GRSF1: variants seen among roughly 807,000 people sequenced by gnomAD.
GRSF1 encodes G-rich RNA sequence binding factor 1.
Under a neutral mutation model 51.1 loss-of-function variants are expected in GRSF1, and 50 were observed. The ratio of observed to expected loss-of-function variants is 0.98; its 90% CI spans 0.78 to 1.24. The LOEUF is 1.24. GRSF1 is among the 50% of genes most tolerant of loss of function. GRSF1 has a pLI of 0.00. For missense variants in GRSF1, 700 were observed against 639.7 expected (o/e 1.09, Z -1.02); for synonymous variants, 293 against 253.3 (o/e 1.16, Z -1.49).
intron 5 of GRSF1, among the ~76,000 whole-genome samples, chr4:70,829,431 G>A (rs1733872228): frequency 6.6e-6 from 1 of 151,860 alleles, no homozygotes; most frequent in Non-Finnish European, 1.5e-5. Context: ...TGAGGCAGGT[G>A]GATCACTTGA....
At position 70,819,579 on chromosome 4, in the gene GRSF1, G is replaced by A. The variant is rs182804077; in HGVS notation, c.*1308C>T. ...TTATTGACTACAGTACAGTGATTTC[G>A]CATCTTAGCTGGTAATCAAAGATGG... On this transcript the variant is annotated 3_prime_UTR_variant, in exon 10 of 10. Transcript: ENST00000254799. 5 of 152,494 alleles carry A rather than the reference G, an allele frequency of 3.3e-5. No homozygotes were observed. Among genetic ancestry groups the A allele is most frequent in the East Asian group, 1.9e-4 (1 of 5,184 alleles). 9.4% of individuals were successfully genotyped at this position (152,494 alleles called of 1,614,324 possible).
At position 70,839,497 on chromosome 4, in the gene GRSF1, C is replaced by G; in HGVS notation, c.331G>C (p.Ala111Pro). The change falls in exon 1 of 10, where the codon GCC becomes CCC. Residue 111 changes from alanine to proline, a missense_variant. Physicochemically the swap from Ala to Pro is conservative, Grantham distance 27. Coordinates refer to ENST00000254799, the MANE Select transcript of GRSF1 (RefSeq NM_002092.4). ...TGGCTGTAGCTGCGCGTCGGGACGG[C>G]GGCCGCCGCCGCCAGCGACTGCGGC... ...LLPQSLAAAA[A>P]VPTRSYSQES... The G allele has an allele frequency of 7.1e-7, 1 of 1,417,188 alleles. No homozygotes were observed. Among genetic ancestry groups the G allele is most frequent in the Non-Finnish European group, 9.1e-7 (1 of 1,093,330 alleles). The allele number at this position is 1,417,188 out of a possible 1,614,324, so 87.8% of individuals were successfully genotyped here.
intron 1 of GRSF1, chr4:70,839,124 G>A: frequency 7.7e-7 from 1 of 1,303,004 alleles, no homozygotes; most frequent in Non-Finnish European, 1.0e-6. Context: ...CAACCAGCCG[G>A]CGGAAAGCAA....
At chr4:70,836,089 A>G in intron 2 of GRSF1, 69 bp downstream of exon 2, 1 of 924,310 alleles carries the variant, frequency 1.1e-6, no homozygotes, top group Middle Eastern at 3.0e-4. Flanking sequence ...TACTTAAAAC[A>G]TACATACCTG....
intron 9 of GRSF1, among the ~76,000 whole-genome samples, chr4:70,823,449 T>A (rs1452146000): frequency 6.8e-6 from 1 of 146,342 alleles, no homozygotes; most frequent in South Asian, 2.2e-4. Context: ...TGAAAAAATA[T>A]CATAATTAAT....
intron 2 of GRSF1, among the ~76,000 whole-genome samples, chr4:70,834,438 C>T (rs974363727): frequency 6.6e-6 from 1 of 152,072 alleles, no homozygotes; most frequent in Non-Finnish European, 1.5e-5. Context: ...TTTCCACTGA[C>T]AGGCTTGACT....
At chr4:70,835,340 G>A (rs1438089588) in intron 2 of GRSF1, among the ~76,000 whole-genome samples, 1 of 150,220 alleles carries the variant, frequency 6.7e-6, no homozygotes, top group Non-Finnish European at 1.5e-5. Context: ...TGAGGCAGGA[G>A]AATGGTGTGA....
At chr4:70,829,188 GCA>G (rs779162093) in intron 5 of GRSF1, among the ~76,000 whole-genome samples, 13 of 152,252 alleles carry the variant, frequency 8.5e-5, no homozygotes, top group Middle Eastern at 3.4e-3. Flanking sequence ...ACCGCGCCCA[GCA>G]CAGTTTCCTT....
At chr4:70,823,481 CT>C (rs58887177) in intron 9 of GRSF1, among the ~76,000 whole-genome samples, 118,923 of 136,014 alleles carry the variant, frequency 0.87, 52,908 homozygotes, top group East Asian at 0.98. Flanking sequence ...GCAGAATTTT[CT>C]TTTTTTTTTT....
intron 1 of GRSF1, among the ~76,000 whole-genome samples, chr4:70,837,117 A>G (rs1209295350): frequency 1.3e-5 from 2 of 152,248 alleles, no homozygotes; most frequent in Non-Finnish European, 2.9e-5. Flanking sequence ...TGCCAGACCA[A>G]GTGATTAAGG....
In GRSF1 at chr4:70,836,281, G is replaced by C; in HGVS notation, c.391C>G (p.Pro131Ala). The C allele has an allele frequency of 6.3e-7, 1 of 1,596,102 alleles. No individual in the cohort carries two copies. The highest frequency in any genetic ancestry group is 8.5e-7 in the Non-Finnish European group (1 of 1,174,926). The stretch of plus-strand genomic sequence containing the variant: ...GGGGCCAATTCATACTCAGGGGGTG[G>C]TGGAAGGTCTTCCAGGTAAGTAGTT... ...SKTTYLEDLP[P>A]PPEYELAPSK... Residue 131 changes from proline (P) to alanine (A), a missense_variant, in exon 2 of 10, where the codon CCA (proline) becomes GCA (alanine). Coordinates refer to ENST00000254799, the MANE Select transcript of GRSF1 (RefSeq NM_002092.4).
chr4:70,824,372 A>C lies in GRSF1; in HGVS notation c.1394-4T>G. 1 of 1,410,290 alleles carries C rather than the reference A, an allele frequency of 7.1e-7. No individual in the cohort carries two copies. The highest frequency in any genetic ancestry group is 2.3e-5 in the East Asian group (1 of 42,828). 87.4% of individuals were successfully genotyped at this position (1,410,290 alleles called of 1,614,324 possible). On this transcript the variant is annotated splice_polypyrimidine_tract_variant and splice_region_variant and intron_variant, in intron 8 of 9. Transcript: ENST00000254799. ...AACAGTTCAATATACCTATGATCTG[A>C]GGATAATGAGAAAGATTAGTTTTAA...
upstream of GRSF1, among the ~76,000 whole-genome samples, chr4:70,840,717 C>T (rs559536285): frequency 3.3e-5 from 5 of 152,198 alleles, no homozygotes; most frequent in South Asian, 6.2e-4. Context: ...GAGCCAAGAT[C>T]GTGCCACCGC....
chr4:70,817,712 C>G lies in GRSF1; in HGVS notation c.*3175G>C, dbSNP rs1427164850. 2 of 152,160 alleles carry G rather than the reference C, an allele frequency of 1.3e-5. No homozygotes were observed. Among genetic ancestry groups the G allele is most frequent in the Non-Finnish European group, 2.9e-5 (2 of 68,024 alleles). 9.4% of individuals were successfully genotyped at this position (152,160 alleles called of 1,614,324 possible). A position where few individuals can be genotyped will look rare whatever the true frequency, so the allele number is the denominator to read the frequency against. On this transcript the variant is annotated 3_prime_UTR_variant, in exon 10 of 10. Coordinates refer to ENST00000254799, the MANE Select transcript of GRSF1 (RefSeq NM_002092.4). ...TGTTGGAACAGTTTGGCAGTTTCTT[C>G]CAAAACTAAACATACTCTTAACTTA...
chr4:70,836,116 T>C, intron 2 of GRSF1, 42 bp downstream of exon 2: 1 of 1,189,730 alleles, frequency 8.4e-7, no homozygotes, highest in Middle Eastern at 2.3e-4. Flanking sequence ...AGAAACAATA[T>C]AAGGAAAAAA....
rs1057248904 is a variant in GRSF1, at chr4:70,819,986, T to C, written c.*901A>G. 6.6e-6 allele frequency: 1 copy of C among 152,660 alleles called. No individual in the cohort carries two copies. The allele number at this position is 152,660 out of a possible 1,614,324, so 9.5% of individuals were successfully genotyped here. On this transcript the variant is annotated 3_prime_UTR_variant, in exon 10 of 10. Transcript: ENST00000254799. The stretch of plus-strand genomic sequence containing the variant: ...ACTTGTTCTAAAATATGGGATGTAC[T>C]ACTCCATTTAAAAAGCAAATGAGGA...
chr4:70,819,602 T>C lies in GRSF1; in HGVS notation c.*1285A>G, dbSNP rs1733429991. Reference sequence around the variant, plus strand: ...TCGCATCTTAGCTGGTAATCAAAGATGGTTATGTATTAAGTAAGAGAAGAC... The same window carrying C: ...TCGCATCTTAGCTGGTAATCAAAGACGGTTATGTATTAAGTAAGAGAAGAC... On this transcript the variant is annotated 3_prime_UTR_variant, in exon 10 of 10. Transcript: ENST00000254799. 1 of 152,548 alleles carries C rather than the reference T, an allele frequency of 6.6e-6. No homozygotes were observed. The highest frequency in any genetic ancestry group is 6.5e-5 in the Admixed American group (1 of 15,278). The allele number at this position is 152,548 out of a possible 1,614,324, so 9.4% of individuals were successfully genotyped here.
chr4:70,825,531 A>G (rs2148837573), intron 7 of GRSF1, 100 bp from the exon 8 acceptor site: 1 of 780,248 alleles, frequency 1.3e-6, no homozygotes, highest in East Asian at 2.7e-5. Flanking sequence ...TGATTCATAC[A>G]CTTGATACAT....
At chr4:70,832,221 C>T in intron 4 of GRSF1, 86 bp downstream of exon 4, 1 of 1,113,438 alleles carries the variant, frequency 9.0e-7, no homozygotes, top group Admixed American at 2.2e-5. Flanking sequence ...ATGCCTTTGC[C>T]CAGAAACAGG....
Sources: gnomAD v4.1 joint callset for allele counts (sites outside exome capture counted in the v4.1 genomes callset) on GRCh38, gnomAD v4.1.1 for gene constraint, MANE v1.5 for transcripts, NCBI Gene and HGNC (gene_info 2026-07-23, HGNC 2026-07-21) for gene names.